COL4A4: variants seen among roughly 807,000 people sequenced by gnomAD.
The protein encoded by COL4A4 is collagen alpha-4(IV) chain.
Under a neutral mutation model 192.9 loss-of-function variants are expected in COL4A4, and 105 were observed. The observed-to-expected ratio is 0.54, with a 90% CI of 0.46 to 0.64. COL4A4 has a LOEUF of 0.64. Ranked by LOEUF, COL4A4 falls within the 30% of genes least tolerant of loss-of-function variation. The probability of loss-of-function intolerance (pLI) is 0.00; values close to 1 mark genes in which losing one functional copy is unlikely to be tolerated. For missense variants in COL4A4, 1,967 were observed against 2,169.3 expected (o/e 0.91, Z 1.85); for synonymous variants, 762 against 769.9 (o/e 0.99, Z 0.17).
chr2:227,137,610 G>T (rs1480140326), intron 4 of COL4A4, among the ~76,000 whole-genome samples: 4 of 152,212 alleles, frequency 2.6e-5, no homozygotes, highest in Non-Finnish European at 5.9e-5. Flanking sequence ...CCTGTGCATT[G>T]TAAGATGTTG....
rs1448886711 is a variant in COL4A4 at position 227,032,202 on chromosome 2, G to A, written c.3652C>T (p.Pro1218Ser). The change falls in exon 39 of 48, where the codon CCA (proline) becomes TCA (serine). Residue 1218 changes from proline (P) to serine (S), a missense_variant. Physicochemically the swap from Pro to Ser is moderately conservative, Grantham distance 74. Coordinates refer to ENST00000396625, the MANE Select transcript of COL4A4 (RefSeq NM_000092.5). ...CGAGGACCTGGAGGAGAGATTCCTG[G>A]GCTCCCAGGGTCTCCTCTCTCCCCT... ...LKGERGDPGSPGISPPGPRGK... is the reference protein window; with the variant it reads ...LKGERGDPGSSGISPPGPRGK... 1 of 1,614,146 alleles carries A rather than the reference G, an allele frequency of 6.2e-7. No individual in the cohort carries two copies. The highest frequency in any genetic ancestry group is 8.5e-7 in the Non-Finnish European group (1 of 1,179,994).
intron 42 of COL4A4, among the ~76,000 whole-genome samples, chr2:227,027,557 A>G (rs1239421990): frequency 1.3e-5 from 2 of 151,530 alleles, no homozygotes; most frequent in Non-Finnish European, 2.9e-5. Context: ...TGGGTGCAGC[A>G]CACCAACATG....
At chr2:227,000,971 C>T (rs754116678), downstream of COL4A4, among the ~76,000 whole-genome samples, 6 of 152,092 alleles carry the variant, frequency 3.9e-5, no homozygotes, top group Admixed American at 6.5e-5. Flanking sequence ...TCCCCAGGCA[C>T]GTGGAATTGT....
rs1371498491 is a variant in COL4A4 at position 227,121,100 on chromosome 2, C to T, written c.241G>A (p.Ala81Thr). ...CCTGAAAGCCCAATGGGTCCTGGGG[C>T]TCCCAGGGGTCCAATTGGACCCTGT... ...GPQGPIGPLGAPGPIGLSGEK... is the reference protein window; with the variant it reads ...GPQGPIGPLGTPGPIGLSGEK... Residue 81 changes from alanine to threonine, a missense_variant, in exon 5 of 48, where the codon GCC (alanine) becomes ACC (threonine). Physicochemically the swap from Ala to Thr is moderately conservative, Grantham distance 58. Coordinates refer to ENST00000396625, the MANE Select transcript of COL4A4 (RefSeq NM_000092.5). 11 of 1,613,986 alleles carry T rather than the reference C, an allele frequency of 6.8e-6. No homozygotes were observed. The highest frequency in any genetic ancestry group is 1.1e-5 in the South Asian group (1 of 91,088).
chr2:226,968,788 A>G, the COL4A4 span, among the ~76,000 whole-genome samples: 1 of 152,212 alleles, frequency 6.6e-6, no homozygotes, highest in Non-Finnish European at 1.5e-5. Flanking sequence ...GCATGAAAGT[A>G]TAATCGGTGT....
In COL4A4 at chr2:227,022,098, CCT is replaced by C; in HGVS notation, c.4164_4165del (p.Gly1389ThrfsTer43). On this transcript the variant is annotated frameshift_variant, in exon 44 of 48. Coordinates refer to ENST00000396625, the MANE Select transcript of COL4A4 (RefSeq NM_000092.5). LOFTEE classifies it high-confidence loss of function. ...AGGGAGCCCCATGGCTCCTTCTGGT[CCT>C]CTCATGCCTGGCGCCCCAGGAAGGC... 1 of 1,614,132 alleles carries C rather than the reference CCT, an allele frequency of 6.2e-7. No individual in the cohort carries two copies. The highest frequency in any genetic ancestry group is 8.5e-7 in the Non-Finnish European group (1 of 1,180,012).
chr2:227,012,360 G>A, intron 44 of COL4A4, 63 bp from the exon 45 acceptor site: 1 of 1,320,562 alleles, frequency 7.6e-7, no homozygotes, highest in Non-Finnish European at 1.1e-6. Context: ...CATTTACCGT[G>A]CTTATACCGT....
At position 227,012,251 on chromosome 2, in the gene COL4A4, G is replaced by A. The variant is rs750090423; in HGVS notation, c.4263C>T (p.Gly1421=). The A allele has an allele frequency of 5.0e-6, 8 of 1,613,918 alleles. No homozygotes were observed. The highest frequency in any genetic ancestry group is 1.6e-4 in the Middle Eastern group (1 of 6,082). ...CGGGAGGCCCAGGAGACCCAGGGAC[G>A]CCATCCACACCCCTCCTGCCATCCA... The part of the protein sequence containing the change: ...PGLDGRRGVD[G]VPGSPGPPGR... The change falls in exon 45 of 48, where the codon GGC becomes GGT. Residue 1421 remains glycine, a synonymous_variant. Coordinates refer to ENST00000396625, the MANE Select transcript of COL4A4 (RefSeq NM_000092.5).
At chr2:226,970,947 G>C in the COL4A4 span, among the ~76,000 whole-genome samples, 6 of 152,204 alleles carry the variant, frequency 3.9e-5, no homozygotes, top group South Asian at 1.2e-3. Flanking sequence ...TAAAACATAC[G>C]CAATCTCCTA....
At position 227,042,129 on chromosome 2, in the gene COL4A4, G is replaced by A. The variant is rs769611216; in HGVS notation, c.3505+19C>T. The A allele has an allele frequency of 1.4e-6, 2 of 1,457,618 alleles. No individual in the cohort carries two copies. The highest frequency in any genetic ancestry group is 1.9e-6 in the Non-Finnish European group (2 of 1,037,184). The allele number at this position is 1,457,618 out of a possible 1,614,324, so 90.3% of individuals were successfully genotyped here. The stretch of plus-strand genomic sequence containing the variant: ...TTGGGCTGCATCTTTCTTGTGGGAT[G>A]GGCTTCATTTTGACTTACCTTTTAT... On this transcript the variant is annotated intron_variant, in intron 37 of 47. Coordinates refer to ENST00000396625, the MANE Select transcript of COL4A4 (RefSeq NM_000092.5).
intron 37 of COL4A4, among the ~76,000 whole-genome samples, chr2:227,039,586 G>T (rs1212096365): frequency 6.6e-6 from 1 of 152,200 alleles, no homozygotes; most frequent in African/African-American, 2.4e-5. Context: ...ACCAAATTGG[G>T]TGTATGTTTT....
intron 44 of COL4A4, among the ~76,000 whole-genome samples, chr2:227,013,433 C>T (rs145844177): frequency 4.7e-4 from 72 of 152,198 alleles, no homozygotes; most frequent in Non-Finnish European, 7.8e-4. Flanking sequence ...TTAAAATGAG[C>T]CTCTTAGGCT....
chr2:227,010,164 G>C, intron 46 of COL4A4, 149 bp downstream of exon 46: 1 of 805,124 alleles, frequency 1.2e-6, no homozygotes, highest in South Asian at 1.6e-5. Flanking sequence ...TAAAGGATTA[G>C]CTGAGAATGA....
At chr2:226,972,850 C>T in the COL4A4 span, among the ~76,000 whole-genome samples, 2 of 148,712 alleles carry the variant, frequency 1.3e-5, no homozygotes, top group Non-Finnish European at 3.0e-5. Flanking sequence ...TAGGTAAGTA[C>T]ACAAGTTACC....
chr2:227,153,992 A>T (rs2064144788), intron 1 of COL4A4, among the ~76,000 whole-genome samples: 1 of 152,080 alleles, frequency 6.6e-6, no homozygotes, highest in South Asian at 2.1e-4. Context: ...AAGCTCCACC[A>T]CCACAAGAAG....
downstream of COL4A4, among the ~76,000 whole-genome samples, chr2:227,000,154 G>T (rs1960557852): frequency 6.6e-6 from 1 of 152,042 alleles, no homozygotes. Context: ...ATTGAACAAG[G>T]TCTTCAGACT....
chr2:227,149,610 T>C (rs1336244468), intron 1 of COL4A4, among the ~76,000 whole-genome samples: 1 of 151,966 alleles, frequency 6.6e-6, no homozygotes. Flanking sequence ...ATTTTTTGAA[T>C]ACTTAAACAG....
intron 22 of COL4A4, 91 bp from the exon 23 acceptor site, chr2:227,082,278 T>C (rs561248659): frequency 1.7e-6 from 2 of 1,147,000 alleles, no homozygotes; most frequent in Non-Finnish European, 2.6e-6. Context: ...TCTTCCCTCC[T>C]AAATCTCTTG....
At chr2:226,975,160 A>G in the COL4A4 span, among the ~76,000 whole-genome samples, 2 of 152,194 alleles carry the variant, frequency 1.3e-5, no homozygotes, top group Admixed American at 1.3e-4. Context: ...AAGATTTAAT[A>G]TGGTGCCCCA....
Sources: allele counts gnomAD v4.1 joint callset (sites outside exome capture counted in the v4.1 genomes callset), GRCh38; gene constraint gnomAD v4.1.1; transcripts MANE v1.5; gene names NCBI Gene and HGNC (gene_info 2026-07-23, HGNC 2026-07-21).